Variants in SPATA9 observed in about 807,000 individuals in gnomAD.
SPATA9 encodes the protein spermatogenesis-associated protein 9.
SPATA9 carries 27 observed loss-of-function variants against 25.5 expected under a neutral mutation model. The observed-to-expected ratio is 1.06, with a 90% CI of 0.78 to 1.46. The LOEUF is 1.46. Ranked by LOEUF, SPATA9 falls within the 40% of genes most tolerant of loss-of-function variation. SPATA9 has a pLI of 0.00. For synonymous variants in SPATA9, 102 were observed against 105.7 expected, an observed-to-expected ratio of 0.97 and a Z score of 0.21; for missense variants, 282 against 297.5, an observed-to-expected ratio of 0.95 and a Z score of 0.38.
intron 2 of SPATA9, among the ~76,000 whole-genome samples, chr5:95,677,139 G>T (rs1417453012): frequency 1.3e-5 from 2 of 152,116 alleles, no homozygotes; most frequent in African/African-American, 4.8e-5. Flanking sequence ...CCTCGATTTT[G>T]CATCCCTTCT....
At chr5:95,653,820 C>T (rs1750521155), downstream of SPATA9, among the ~76,000 whole-genome samples, 1 of 152,122 alleles carries the variant, frequency 6.6e-6, no homozygotes, top group African/African-American at 2.4e-5. Flanking sequence ...ATCCCTTGAA[C>T]CTGGGAGGCG....
the SPATA9 span, among the ~76,000 whole-genome samples, chr5:95,720,664 T>A: frequency 6.6e-6 from 1 of 152,182 alleles, no homozygotes; most frequent in Non-Finnish European, 1.5e-5. Context: ...TGTATTACAT[T>A]ATACGTCACT....
At chr5:95,729,727 A>G in the SPATA9 span, among the ~76,000 whole-genome samples, 1 of 152,158 alleles carries the variant, frequency 6.6e-6, no homozygotes, top group African/African-American at 2.4e-5. Flanking sequence ...TCTGTTTCTA[A>G]GAGTTTGACT....
chr5:95,713,074 CCAGA>C, the SPATA9 span, among the ~76,000 whole-genome samples: 2 of 152,070 alleles, frequency 1.3e-5, no homozygotes, highest in African/African-American at 2.4e-5. Context: ...ACATTTGTTC[CCAGA>C]CAATTTACTT....
In SPATA9 at chr5:95,675,630, G is replaced by A; in HGVS notation, c.160C>T (p.Pro54Ser). The A allele has an allele frequency of 6.2e-7, 1 of 1,613,820 alleles. No homozygotes were observed. Among genetic ancestry groups the A allele is most frequent in the Non-Finnish European group, 8.5e-7 (1 of 1,179,918 alleles). The part of the protein sequence containing the change: ...RLSQSNQKRE[P>S]AQKTSKIRMA... ...CTGATTTTGGATGTTTTCTGCGCAG[G>A]TTCTCTTTTCTGAAAAATAGGCCTT... The change falls in exon 3 of 5, where the codon CCT (proline) becomes TCT (serine). Residue 54 changes from proline (P) to serine (S), a missense_variant. By Grantham distance (74) the Pro-to-Ser change is moderately conservative. Transcript: ENST00000274432.
At chr5:95,674,173 G>A (rs1224797603) in intron 3 of SPATA9, among the ~76,000 whole-genome samples, 1 of 152,182 alleles carries the variant, frequency 6.6e-6, no homozygotes, top group Non-Finnish European at 1.5e-5. Flanking sequence ...GCTGCTCTCA[G>A]GCAATTTGTA....
the SPATA9 span, among the ~76,000 whole-genome samples, chr5:95,705,626 TTGAG>T: frequency 2.6e-5 from 4 of 152,222 alleles, no homozygotes; most frequent in African/African-American, 9.6e-5. Flanking sequence ...AGAAAATGAA[TTGAG>T]TATTTGTGGG....
At chr5:95,668,764 C>A (rs1752065693) in intron 3 of SPATA9, among the ~76,000 whole-genome samples, 1 of 152,128 alleles carries the variant, frequency 6.6e-6, no homozygotes, top group African/African-American at 2.4e-5. Context: ...ATTTTGACTG[C>A]CTTATCTCAT....
At chr5:95,730,141 C>T in the SPATA9 span, among the ~76,000 whole-genome samples, 3 of 151,772 alleles carry the variant, frequency 2.0e-5, no homozygotes, top group African/African-American at 7.3e-5. Flanking sequence ...TCTCTGAGCA[C>T]GAGAAACTAT....
chr5:95,674,299 G>A (rs1376589641), intron 3 of SPATA9, among the ~76,000 whole-genome samples: 1 of 152,152 alleles, frequency 6.6e-6, no homozygotes, highest in Non-Finnish European at 1.5e-5. Context: ...CCTTCTTGAA[G>A]CAACCCAGAT....
intron 3 of SPATA9, among the ~76,000 whole-genome samples, chr5:95,666,753 A>G (rs1751847227): frequency 6.6e-6 from 1 of 152,174 alleles, no homozygotes; most frequent in Admixed American, 6.5e-5. Flanking sequence ...AGATTTCTTG[A>G]GTGCTGCTTA....
At chr5:95,681,266 C>G (rs1388142476) in intron 2 of SPATA9, among the ~76,000 whole-genome samples, 1 of 152,166 alleles carries the variant, frequency 6.6e-6, no homozygotes, top group Non-Finnish European at 1.5e-5. Context: ...CTCAACCCTT[C>G]TATCCTACAT....
At chr5:95,674,490 T>G (rs1216765757) in intron 3 of SPATA9, among the ~76,000 whole-genome samples, 3 of 152,208 alleles carry the variant, frequency 2.0e-5, no homozygotes, top group Non-Finnish European at 4.4e-5. Flanking sequence ...CTGGAGACAT[T>G]CCCGTTGGGG....
downstream of SPATA9, chr5:95,652,463 A>G (rs185072320): frequency 4.3e-6 from 5 of 1,157,782 alleles, no homozygotes; most frequent in Admixed American, 2.8e-5. Context: ...CTTAAACTCA[A>G]TATGTGTAAA....
the SPATA9 span, among the ~76,000 whole-genome samples, chr5:95,711,504 C>T: frequency 6.6e-6 from 1 of 152,104 alleles, no homozygotes; most frequent in Non-Finnish European, 1.5e-5. Flanking sequence ...GCGCTCATCA[C>T]CCGGAGGGAC....
chr5:95,708,882 C>A, the SPATA9 span: 1 of 449,550 alleles, frequency 2.2e-6, no homozygotes, highest in Non-Finnish European at 4.0e-6. Context: ...GCACGGAGGA[C>A]ATAATAGGTG....
chr5:95,731,254 G>C, the SPATA9 span: 2 of 1,004,816 alleles, frequency 2.0e-6, no homozygotes, highest in Non-Finnish European at 2.4e-6. Flanking sequence ...CACGTGCTGC[G>C]CCCGGTCCGC....
At chr5:95,669,846 A>G in intron 3 of SPATA9, among the ~76,000 whole-genome samples, 1 of 152,174 alleles carries the variant, frequency 6.6e-6, no homozygotes. Flanking sequence ...ACTACCAGGA[A>G]ATTCTCTACT....
intron 3 of SPATA9, chr5:95,670,733 C>T (rs1054380532): frequency 1.2e-4 from 56 of 466,102 alleles, no homozygotes; most frequent in African/African-American, 8.5e-4. Context: ...TCTCATACTA[C>T]TGTACTTTGC....
Sources: allele counts gnomAD v4.1 joint callset (sites outside exome capture counted in the v4.1 genomes callset), GRCh38; gene constraint gnomAD v4.1.1; transcripts MANE v1.5; gene names NCBI Gene and HGNC (gene_info 2026-07-23, HGNC 2026-07-21).